Variants in ADGRG7 observed in about 807,000 individuals in gnomAD.
ADGRG7 encodes the protein G-protein coupled receptor 128.
A neutral mutation model predicts 88.6 loss-of-function variants in ADGRG7; 82 were observed. The observed-to-expected ratio is 0.93, with a 90% CI of 0.77 to 1.11. ADGRG7 has a LOEUF of 1.11. ADGRG7 is among the 50% of genes most tolerant of loss of function. The pLI, the probability that ADGRG7 is intolerant of heterozygous loss-of-function variation, is 0.00. For synonymous variants in ADGRG7, 381 were observed against 345.2 expected (o/e 1.10, Z -1.15); for missense variants, 945 against 953.4 (o/e 0.99, Z 0.12).
intron 4 of ADGRG7, among the ~76,000 whole-genome samples, chr3:100,633,670 T>C (rs550080215): frequency 6.6e-6 from 1 of 152,126 alleles, no homozygotes; most frequent in African/African-American, 2.4e-5. Context: ...GGATTACTCA[T>C]ACCACCGTGC....
At chr3:100,679,684 G>A (rs967113738) in intron 15 of ADGRG7, among the ~76,000 whole-genome samples, 9 of 152,176 alleles carry the variant, frequency 5.9e-5, no homozygotes, top group African/African-American at 2.2e-4. Flanking sequence ...TAGCAATAGA[G>A]TTGGACCACT....
chr3:100,621,983 C>G (rs9821668), intron 1 of ADGRG7, among the ~76,000 whole-genome samples: 2 of 152,168 alleles, frequency 1.3e-5, no homozygotes, highest in African/African-American at 4.8e-5. Flanking sequence ...ACTCTCATAA[C>G]GAGCGTGCAA....
At chr3:100,685,475 T>G (rs1157707154) in intron 15 of ADGRG7, among the ~76,000 whole-genome samples, 1 of 152,108 alleles carries the variant, frequency 6.6e-6, no homozygotes, top group East Asian at 1.9e-4. Flanking sequence ...GCTGCACCCA[T>G]TAAGTCGTCA....
In ADGRG7 at chr3:100,637,324, C is replaced by G. The variant is rs780849466; in HGVS notation, c.620C>G (p.Thr207Arg). ...SPEAKKVAIV[T>R]VSQLLDASED... ...CAGGCAAAGAAAGTTGCCATAGTAACAGTGAGTCAACTCCTAGATGCCAGT... is the reference window on the plus strand; with the variant it reads ...CAGGCAAAGAAAGTTGCCATAGTAAGAGTGAGTCAACTCCTAGATGCCAGT... The change falls in exon 6 of 16, where the codon ACA becomes AGA. Residue 207 changes from threonine to arginine, a missense_variant. Coordinates refer to ENST00000273352, the MANE Select transcript of ADGRG7 (RefSeq NM_032787.3). 107 of 1,613,342 alleles carry G rather than the reference C, an allele frequency of 6.6e-5. No homozygotes were observed. Among genetic ancestry groups the G allele is most frequent in the Non-Finnish European group, 8.6e-5 (102 of 1,179,488 alleles).
intron 15 of ADGRG7, among the ~76,000 whole-genome samples, chr3:100,675,633 A>G (rs2094964103): frequency 2.0e-5 from 3 of 152,020 alleles, no homozygotes; most frequent in Non-Finnish European, 4.4e-5. Context: ...GAGTGAGTTT[A>G]GAAGTATTCC....
At chr3:100,621,457 G>A (rs1402166480) in intron 1 of ADGRG7, among the ~76,000 whole-genome samples, 1 of 152,180 alleles carries the variant, frequency 6.6e-6, no homozygotes, top group African/African-American at 2.4e-5. Context: ...TGCTGATATG[G>A]AGAAAATTTG....
At chr3:100,618,698 G>A (rs941881774) in intron 1 of ADGRG7, among the ~76,000 whole-genome samples, 37 of 152,156 alleles carry the variant, frequency 2.4e-4, no homozygotes, top group African/African-American at 6.5e-4. Context: ...TTGGCGATGC[G>A]GGCTCTTTTT....
chr3:100,668,037 A>G (rs1162470920), intron 14 of ADGRG7, among the ~76,000 whole-genome samples: 1 of 152,068 alleles, frequency 6.6e-6, no homozygotes, highest in East Asian at 1.9e-4. Flanking sequence ...GGTAGGGGAG[A>G]AAATTCCCCA....
chr3:100,673,293 G>A (rs1017197420), intron 15 of ADGRG7, among the ~76,000 whole-genome samples: 8 of 152,156 alleles, frequency 5.3e-5, no homozygotes, highest in African/African-American at 1.9e-4. Flanking sequence ...GTTTAGACTT[G>A]GGAGGGTGTA....
intron 14 of ADGRG7, chr3:100,665,101 C>A: frequency 1.9e-6 from 1 of 514,736 alleles, no homozygotes; most frequent in South Asian, 1.4e-5. Flanking sequence ...TCAGTTCTTC[C>A]GTATTTCTTA....
At chr3:100,673,665 T>A (rs2094961470) in intron 15 of ADGRG7, among the ~76,000 whole-genome samples, 1 of 152,042 alleles carries the variant, frequency 6.6e-6, no homozygotes, top group Non-Finnish European at 1.5e-5. Flanking sequence ...TTTCACCATG[T>A]TCAGGCTGGT....
intron 8 of ADGRG7, among the ~76,000 whole-genome samples, chr3:100,644,388 C>T (rs866532465): frequency 5.9e-5 from 9 of 152,256 alleles, no homozygotes; most frequent in Middle Eastern, 6.8e-3. Context: ...ATGGTAGAGA[C>T]TAGATCTAAG....
At chr3:100,673,519 T>C (rs138970020) in intron 15 of ADGRG7, among the ~76,000 whole-genome samples, 3,891 of 151,190 alleles carry the variant, frequency 0.026, 92 homozygotes, top group Non-Finnish European at 0.036. Flanking sequence ...TGGAGTACAA[T>C]GGTGTGATCT....
chr3:100,655,663 C>G (rs1442150032), intron 12 of ADGRG7, among the ~76,000 whole-genome samples: 5 of 151,866 alleles, frequency 3.3e-5, no homozygotes. Flanking sequence ...GTAAGAGTTA[C>G]AAAGAAACTG....
intron 1 of ADGRG7, among the ~76,000 whole-genome samples, chr3:100,617,037 T>C (rs1172174501): frequency 6.6e-6 from 1 of 152,094 alleles, no homozygotes; most frequent in African/African-American, 2.4e-5. Context: ...GAAGCAACTC[T>C]TAAAGAAGTA....
chr3:100,675,834 G>C (rs949916028), intron 15 of ADGRG7, among the ~76,000 whole-genome samples: 1 of 152,016 alleles, frequency 6.6e-6, no homozygotes, highest in Non-Finnish European at 1.5e-5. Flanking sequence ...TTCAATCTTG[G>C]TAGGTTGTTT....
intron 1 of ADGRG7, among the ~76,000 whole-genome samples, chr3:100,626,408 A>G (rs187606850): frequency 3.2e-4 from 48 of 152,118 alleles, no homozygotes; most frequent in Non-Finnish European, 6.3e-4. Flanking sequence ...GACTGTATCA[A>G]TTTGGGGAGA....
At chr3:100,634,731 C>T (rs559167606) in intron 4 of ADGRG7, among the ~76,000 whole-genome samples, 5 of 152,302 alleles carry the variant, frequency 3.3e-5, no homozygotes, top group African/African-American at 1.2e-4. Context: ...GTTCTTAGCT[C>T]TGCCACTTCT....
At chr3:100,644,417 A>T (rs1331835780) in intron 8 of ADGRG7, among the ~76,000 whole-genome samples, 1 of 152,130 alleles carries the variant, frequency 6.6e-6, no homozygotes, top group Non-Finnish European at 1.5e-5. Flanking sequence ...CTTCTTGTGC[A>T]TTTTTTCTTT....
Sources: gnomAD v4.1 joint callset for allele counts (sites outside exome capture counted in the v4.1 genomes callset) on GRCh38, gnomAD v4.1.1 for gene constraint, MANE v1.5 for transcripts, NCBI Gene and HGNC (gene_info 2026-07-23, HGNC 2026-07-21) for gene names.